Variants in KLHL6 observed in about 807,000 individuals in gnomAD.
KLHL6 encodes the protein kelch-like protein 6.
Under a neutral mutation model 58.6 loss-of-function variants are expected in KLHL6, and 41 were observed. The ratio of observed to expected loss-of-function variants is 0.70; its 90% confidence interval spans 0.55 to 0.91. The LOEUF (loss-of-function observed/expected upper bound fraction) is 0.91. KLHL6 is among the 40% of genes least tolerant of loss of function. The pLI is 0.00. For missense variants in KLHL6, 714 were observed against 805.6 expected (o/e 0.89, Z 1.38); for synonymous variants, 338 against 322.7 (o/e 1.05, Z -0.51).
intron 1 of KLHL6, among the ~76,000 whole-genome samples, chr3:183,547,951 A>T (rs1192848013): frequency 2.0e-5 from 3 of 152,196 alleles, no homozygotes; most frequent in Non-Finnish European, 4.4e-5. Context: ...TAAGCTGAAA[A>T]TGAGGAGGAA....
intron 2 of KLHL6, among the ~76,000 whole-genome samples, chr3:183,511,249 T>TAGGCCAG (rs1718178240): frequency 6.6e-6 from 1 of 152,232 alleles, no homozygotes; most frequent in African/African-American, 2.4e-5. Context: ...GACGTGCACG[T>TAGGCCAG]AGGCCAGATT....
chr3:183,539,380 C>T (rs1712475535), intron 1 of KLHL6, among the ~76,000 whole-genome samples: 2 of 152,158 alleles, frequency 1.3e-5, no homozygotes, highest in Admixed American at 6.5e-5. Flanking sequence ...ACAGCTGCCC[C>T]GATCTGACTC....
Position 183,508,224 on chromosome 3 carries a change from T to C in KLHL6, c.744A>G (p.Ser248=). 1 of 1,614,224 alleles carries C rather than the reference T, an allele frequency of 6.2e-7. No individual in the cohort carries two copies. Among genetic ancestry groups the C allele is most frequent in the Non-Finnish European group, 8.5e-7 (1 of 1,180,038 alleles). ...TVMSWVRHKP[S]ERLCLLPYVL... is the part of the protein sequence containing the mutation. ...CATAGGGGAGTAAGCAGAGTCGTTC[T>C]GATGGCTTGTGCCGGACCCAGCTCA... The change falls in exon 3 of 7, where the codon TCA becomes TCG. Residue 248 remains serine, a synonymous_variant. Transcript: ENST00000341319.
chr3:183,518,784 G>C (rs989239056), intron 2 of KLHL6, among the ~76,000 whole-genome samples: 1 of 152,162 alleles, frequency 6.6e-6, no homozygotes, highest in Non-Finnish European at 1.5e-5. Flanking sequence ...TGGGTACAAA[G>C]TTTATACCAA....
chr3:183,546,762 T>A (rs1712731545), intron 1 of KLHL6, among the ~76,000 whole-genome samples: 1 of 152,226 alleles, frequency 6.6e-6, no homozygotes, highest in Non-Finnish European at 1.5e-5. Context: ...TATTCGCGTT[T>A]CACAACTTGC....
rs1717563256 is a variant in KLHL6, at chr3:183,491,829, A to G, written c.*98T>C. The G allele has an allele frequency of 8.6e-7, 1 of 1,158,092 alleles. No homozygotes were observed. Among genetic ancestry groups the G allele is most frequent in the Non-Finnish European group, 1.2e-6 (1 of 858,696 alleles). 71.7% of individuals were successfully genotyped at this position (1,158,092 alleles called of 1,614,324 possible). A position where few individuals can be genotyped will look rare whatever the true frequency, so the allele number is the denominator to read the frequency against. ...AGGGGATCCCCTGATGTATGGCCTC[A>G]AACTCGAGCCTGCTGCCTGAAGTGG... On this transcript the variant is annotated 3_prime_UTR_variant, in exon 7 of 7. Coordinates refer to ENST00000341319, the MANE Select transcript of KLHL6 (RefSeq NM_130446.4).
In KLHL6 at chr3:183,490,254, A is replaced by T. The variant is rs1717506931; in HGVS notation, c.*1673T>A. 6.6e-6 allele frequency: 1 copy of T among 152,350 alleles called. No individual in the cohort carries two copies. Among genetic ancestry groups the T allele is most frequent in the Middle Eastern group, 3.4e-3 (1 of 294 alleles). 9.4% of individuals were successfully genotyped at this position (152,350 alleles called of 1,614,324 possible). A position where few individuals can be genotyped will look rare whatever the true frequency, so the allele number is the denominator to read the frequency against. Reference sequence around the variant, plus strand: ...AACGAAGGCTTCAGGAGGATGGGGTATCAGGAACGTGGACCTAAATCACTG... The same window carrying T: ...AACGAAGGCTTCAGGAGGATGGGGTTTCAGGAACGTGGACCTAAATCACTG... On this transcript the variant is annotated 3_prime_UTR_variant, in exon 7 of 7. Coordinates refer to ENST00000341319, the MANE Select transcript of KLHL6 (RefSeq NM_130446.4).
At chr3:183,549,373 G>A (rs1712831745) in intron 1 of KLHL6, among the ~76,000 whole-genome samples, 1 of 152,138 alleles carries the variant, frequency 6.6e-6, no homozygotes, top group Non-Finnish European at 1.5e-5. Context: ...CCAATATTGT[G>A]GATCAGAACC....
intron 1 of KLHL6, among the ~76,000 whole-genome samples, chr3:183,541,883 G>A (rs1712566443): frequency 6.6e-6 from 1 of 152,168 alleles, no homozygotes; most frequent in Admixed American, 6.5e-5. Context: ...GCCTGGGCAG[G>A]AGAAGGGTTG....
intron 2 of KLHL6, among the ~76,000 whole-genome samples, chr3:183,524,699 G>A (rs1484475432): frequency 6.6e-6 from 1 of 152,154 alleles, no homozygotes; most frequent in Non-Finnish European, 1.5e-5. Context: ...AGAAGCAATT[G>A]GTGGGTAACA....
At chr3:183,504,022 C>G (rs976348917) in intron 3 of KLHL6, among the ~76,000 whole-genome samples, 5 of 151,906 alleles carry the variant, frequency 3.3e-5, no homozygotes, top group African/African-American at 1.2e-4. Flanking sequence ...GTTCAGTTGT[C>G]CAAACTATAA....
intron 1 of KLHL6, among the ~76,000 whole-genome samples, chr3:183,539,783 C>T (rs1293507757): frequency 1.3e-5 from 2 of 152,042 alleles, no homozygotes; most frequent in East Asian, 3.9e-4. Flanking sequence ...AAGGACACTG[C>T]CCACGGCCCC....
At chr3:183,497,985 C>T (rs1717762561) in intron 4 of KLHL6, among the ~76,000 whole-genome samples, 1 of 152,184 alleles carries the variant, frequency 6.6e-6, no homozygotes, top group Non-Finnish European at 1.5e-5. Context: ...CTTGTAATCC[C>T]AGCACTTTGG....
In KLHL6 at chr3:183,488,523, G is replaced by C. The variant is rs111348313; in HGVS notation, c.*3404C>G. The stretch of plus-strand genomic sequence containing the variant: ...ACCCCATCTTCTTCTTCCCAGCCAG[G>C]GGTGCTCTGTCCACTCACAGGCCCT... On this transcript the variant is annotated 3_prime_UTR_variant, in exon 7 of 7. Coordinates refer to ENST00000341319, the MANE Select transcript of KLHL6 (RefSeq NM_130446.4). 7.9e-5 allele frequency: 12 copies of C among 152,608 alleles called. No individual in the cohort carries two copies. The highest frequency in any genetic ancestry group is 2.9e-4 in the African/African-American group (12 of 41,406). The allele number at this position is 152,608 out of a possible 1,614,324, so 9.5% of individuals were successfully genotyped here.
chr3:183,536,885 C>A (rs576591646), intron 1 of KLHL6, among the ~76,000 whole-genome samples: 4 of 152,140 alleles, frequency 2.6e-5, no homozygotes, highest in Non-Finnish European at 2.9e-5. Context: ...ATAGGGCCAG[C>A]GCTGTGCACG....
rs1317332470 is a variant in KLHL6, at chr3:183,492,810, C to G, written c.1351-103G>C. 1 of 1,027,028 alleles carries G rather than the reference C, an allele frequency of 9.7e-7. No homozygotes were observed. Among genetic ancestry groups the G allele is most frequent in the African/African-American group, 1.6e-5 (1 of 63,090 alleles). The allele number at this position is 1,027,028 out of a possible 1,614,324, so 63.6% of individuals were successfully genotyped here. On this transcript the variant is annotated intron_variant, in intron 5 of 6. Coordinates refer to ENST00000341319, the MANE Select transcript of KLHL6 (RefSeq NM_130446.4). This position sits in a 1 kb window ranked among gnomAD's most constrained non-coding sequence, Gnocchi z 5.9. ...CAGAGCTCCGGGACACAGAACTGGGCATCTTTTGCCTATAGTCACAAGGCC... is the reference window on the plus strand; with the variant it reads ...CAGAGCTCCGGGACACAGAACTGGGGATCTTTTGCCTATAGTCACAAGGCC...
In KLHL6 at chr3:183,492,856, A is replaced by C; in HGVS notation, c.1351-149T>G. On this transcript the variant is annotated intron_variant, in intron 5 of 6. Transcript: ENST00000341319. This position sits in a 1 kb window ranked among gnomAD's most constrained non-coding sequence, Gnocchi z 5.9. Reference sequence around the variant, plus strand: ...AGGCCCATGGGCTTGACTCCTCTTAAGACACAGCAAGAATGAAAGCATGCA... The same window carrying C: ...AGGCCCATGGGCTTGACTCCTCTTACGACACAGCAAGAATGAAAGCATGCA... 1.6e-6 allele frequency: 1 copy of C among 641,180 alleles called. No individual in the cohort carries two copies. Among genetic ancestry groups the C allele is most frequent in the Non-Finnish European group, 2.7e-6 (1 of 372,684 alleles). 39.7% of individuals were successfully genotyped at this position (641,180 alleles called of 1,614,324 possible). A position where few individuals can be genotyped will look rare whatever the true frequency, so the allele number is the denominator to read the frequency against.
At chr3:183,512,187 G>A (rs1035672035) in intron 2 of KLHL6, among the ~76,000 whole-genome samples, 5 of 152,148 alleles carry the variant, frequency 3.3e-5, no homozygotes, top group African/African-American at 1.2e-4. Flanking sequence ...GAGCTGAAAG[G>A]AAACTCACTT....
In KLHL6 at chr3:183,492,576, G is replaced by T. The variant is rs1480896479; in HGVS notation, c.1482C>A (p.Asn494Lys). ...DKTQCYDPST[N>K]KWSLKAAMPV... Reference sequence around the variant, plus strand: ...GCATGGCCGCCTTCAAACTCCACTTGTTGGTGGAAGGGTCATAACACTGAG... The same window carrying T: ...GCATGGCCGCCTTCAAACTCCACTTTTTGGTGGAAGGGTCATAACACTGAG... Residue 494 changes from asparagine to lysine, a missense_variant, in exon 6 of 7, where the codon AAC (asparagine) becomes AAA (lysine). By Grantham distance (94) the Asn-to-Lys change is moderately conservative (BLOSUM62 0). Around this residue, in one of 2 missense-constraint regions of KLHL6, gnomAD observed 510 missense variants for 629.7 expected, o/e 0.81. Coordinates refer to ENST00000341319, the MANE Select transcript of KLHL6 (RefSeq NM_130446.4). The surrounding 1 kb of genome is among the most constrained non-coding windows in gnomAD (Gnocchi z 5.9). The T allele has an allele frequency of 1.2e-6, 2 of 1,614,236 alleles. No individual in the cohort carries two copies. Among genetic ancestry groups the T allele is most frequent in the Non-Finnish European group, 1.7e-6 (2 of 1,180,044 alleles).
Sources: allele counts gnomAD v4.1 joint callset (sites outside exome capture counted in the v4.1 genomes callset), GRCh38; gene constraint gnomAD v4.1.1; regional missense constraint gnomAD v4.1.1; non-coding constraint Gnocchi (gnomAD v3.1); transcripts MANE v1.5; gene names NCBI Gene and HGNC (gene_info 2026-07-23, HGNC 2026-07-21).